PCDH15: variants seen among roughly 807,000 people sequenced by gnomAD.
The protein encoded by PCDH15 is protocadherin related 15.
In PCDH15, 129 loss-of-function variants were observed where a neutral mutation model predicts 178.5. That is an observed-to-expected ratio of 0.72 (90% CI 0.63 to 0.84). The LOEUF (loss-of-function observed/expected upper bound fraction) is 0.84. PCDH15 is among the 40% of genes least tolerant of loss of function. The probability of loss-of-function intolerance (pLI) is 0.00; values close to 1 mark genes in which losing one functional copy is unlikely to be tolerated. For missense variants in PCDH15, 2,230 were observed against 2,099.9 expected (o/e 1.06, Z -1.21); for synonymous variants, 800 against 732.0 (o/e 1.09, Z -1.50).
At chr10:55,087,837 C>T (rs529373506) in intron 2 of PCDH15, among the ~76,000 whole-genome samples, 1 of 152,018 alleles carries the variant, frequency 6.6e-6, no homozygotes. Context: ...ATAACAAATT[C>T]ATAGTGTAAT....
chr10:54,703,057 GC>G (rs1371641750), intron 1 of PCDH15, among the ~76,000 whole-genome samples: 1 of 152,090 alleles, frequency 6.6e-6, no homozygotes, highest in Non-Finnish European at 1.5e-5. Flanking sequence ...TCCCTGTGAT[GC>G]AAGGTTGGTT....
intron 2 of PCDH15, among the ~76,000 whole-genome samples, chr10:54,663,113 C>T (rs1246325495): frequency 6.6e-6 from 1 of 151,908 alleles, no homozygotes; most frequent in Non-Finnish European, 1.5e-5. Context: ...GTTTATCTCT[C>T]ACATTATTGA....
chr10:54,886,500 G>A (rs1954361089), intron 3 of PCDH15, among the ~76,000 whole-genome samples: 1 of 152,222 alleles, frequency 6.6e-6, no homozygotes, highest in Non-Finnish European at 1.5e-5. Flanking sequence ...AGTGGCTCAT[G>A]CCTGTAATCC....
chr10:55,197,630 C>T (rs886329862), intron 1 of PCDH15, among the ~76,000 whole-genome samples: 4 of 152,028 alleles, frequency 2.6e-5, no homozygotes, highest in African/African-American at 9.7e-5. Flanking sequence ...GTGTTAGTGG[C>T]TACATAATAG....
chr10:55,255,609 C>G (rs2132228863), intron 1 of PCDH15, among the ~76,000 whole-genome samples: 1 of 152,262 alleles, frequency 6.6e-6, no homozygotes, highest in East Asian at 1.9e-4. Flanking sequence ...TCCTCTCCAG[C>G]ACCTGTTGTT....
intron 3 of PCDH15, among the ~76,000 whole-genome samples, chr10:54,446,599 A>G (rs2136227080): frequency 6.6e-6 from 1 of 151,748 alleles, no homozygotes; most frequent in Non-Finnish European, 1.5e-5. Context: ...TAAACTGTAT[A>G]TATTTAAGAT....
intron 1 of PCDH15, among the ~76,000 whole-genome samples, chr10:54,792,167 T>A (rs1253693878): frequency 6.6e-6 from 1 of 151,834 alleles, no homozygotes; most frequent in Non-Finnish European, 1.5e-5. Context: ...AAGAAAAATA[T>A]CTTTACTCTA....
Position 55,592,426 on chromosome 10 carries a change from C to T in PCDH15, c.-156+35199G>A, listed in dbSNP as rs572615715. Among the ~76,000 whole-genome samples, 52 of 152,266 alleles carry T rather than the reference C, an allele frequency of 3.4e-4. 1 individual carries two copies. In the South Asian group the frequency reaches 0.011, roughly 32 times the overall value. The stretch of plus-strand genomic sequence containing the variant: ...GCATTAACTATTTCCTTGACCAAAA[C>T]TCAAAGATCCAGCCAGGCAGCTCTG... On this transcript the variant is annotated intron_variant, in intron 2 of 5. Transcript: ENST00000613346.
chr10:54,670,421 A>C (rs1221522820), intron 1 of PCDH15, among the ~76,000 whole-genome samples: 1 of 152,154 alleles, frequency 6.6e-6, no homozygotes, highest in African/African-American at 2.4e-5. Context: ...TGTTGAGTCT[A>C]TTCATTATTA....
chr10:53,919,640 G>A (rs750664833), intron 25 of PCDH15, among the ~76,000 whole-genome samples: 11 of 152,210 alleles, frequency 7.2e-5, no homozygotes, highest in Middle Eastern at 3.4e-3. Flanking sequence ...GACTGAACCC[G>A]TAACAACATA....
chr10:54,100,784 A>G (rs1306269321), intron 15 of PCDH15, among the ~76,000 whole-genome samples: 1 of 152,140 alleles, frequency 6.6e-6, no homozygotes, highest in East Asian at 1.9e-4. Context: ...ATGATACCAT[A>G]TTAGCAGAGA....
At chr10:54,240,626 C>CAT (rs1491118853) in intron 8 of PCDH15, among the ~76,000 whole-genome samples, 1 of 79,662 alleles carries the variant, frequency 1.3e-5, no homozygotes, top group African/African-American at 4.8e-5. Flanking sequence ...TTTTCTTTTG[C>CAT]TTTTTTTTTT....
intron 2 of PCDH15, among the ~76,000 whole-genome samples, chr10:55,549,637 T>G (rs1223840254): frequency 1.3e-5 from 2 of 152,124 alleles, no homozygotes; most frequent in African/African-American, 4.8e-5. Context: ...CCTTTCAATT[T>G]AGGTTATTCG....
At chr10:55,067,883 T>G (rs898184959) in intron 2 of PCDH15, among the ~76,000 whole-genome samples, 5 of 152,142 alleles carry the variant, frequency 3.3e-5, no homozygotes, top group Non-Finnish European at 7.4e-5. Flanking sequence ...GCCATTTGTA[T>G]GTCTTTTTTT....
chr10:54,442,447 TATATATATATATAC>T lies in PCDH15; in HGVS notation c.158-63519_158-63506del, dbSNP rs1315214705. On this transcript the variant is annotated intron_variant, in intron 3 of 37. Transcript: ENST00000644397. Reference sequence around the variant, plus strand: ...ATATATATATATATATATATATATATATATATATATATACAGTCTTTTTTATTATAATAAATACT... The same window carrying T: ...ATATATATATATATATATATATATATAGTCTTTTTTATTATAATAAATACT... 6.2e-3 allele frequency among the ~76,000 whole-genome samples: 749 copies of T among 120,844 alleles called. 29 individuals carry two copies. Among genetic ancestry groups the T allele is most frequent in the African/African-American group, 0.025 (697 of 27,338 alleles). The allele number at this position is 120,844 out of a possible 152,430, so 79.3% of individuals were successfully genotyped here. A position where few individuals can be genotyped will look rare whatever the true frequency, so the allele number is the denominator to read the frequency against.
intron 2 of PCDH15, among the ~76,000 whole-genome samples, chr10:55,616,741 G>A (rs1239561199): frequency 6.6e-6 from 1 of 152,092 alleles, no homozygotes; most frequent in African/African-American, 2.4e-5. Flanking sequence ...GATTTCCAGT[G>A]TCATAAAACA....
At chr10:54,494,023 G>T (rs1043767640) in intron 3 of PCDH15, among the ~76,000 whole-genome samples, 1 of 150,378 alleles carries the variant, frequency 6.6e-6, no homozygotes, top group Non-Finnish European at 1.5e-5. Flanking sequence ...ACTCATAGGT[G>T]GGAATTGAAC....
At chr10:53,915,746 G>C (rs1276563301) in intron 25 of PCDH15, among the ~76,000 whole-genome samples, 2 of 152,118 alleles carry the variant, frequency 1.3e-5, no homozygotes, top group Non-Finnish European at 2.9e-5. Context: ...TTTTAGTAGA[G>C]ACGGGGTTTC....
intron 2 of PCDH15, among the ~76,000 whole-genome samples, chr10:54,535,181 T>C (rs886795748): frequency 6.6e-6 from 1 of 152,198 alleles, no homozygotes; most frequent in African/African-American, 2.4e-5. Context: ...ATTATATAAT[T>C]TGATGAAGAC....
Sources: gnomAD v4.1 joint callset for allele counts (sites outside exome capture counted in the v4.1 genomes callset) on GRCh38, gnomAD v4.1.1 for gene constraint, MANE v1.5 for transcripts, NCBI Gene and HGNC (gene_info 2026-07-23, HGNC 2026-07-21) for gene names.